The following IFT122 variants were observed in gnomAD, a reference collection of about 807,000 sequenced individuals.
IFT122 encodes the protein intraflagellar transport 122.
IFT122 carries 118 observed loss-of-function variants against 161.6 expected under a neutral mutation model. That is an observed-to-expected ratio of 0.73 (90% CI 0.63 to 0.85). The LOEUF (loss-of-function observed/expected upper bound fraction) is 0.85. IFT122 is among the 40% of genes least tolerant of loss of function. IFT122 has a pLI of 0.00. For missense variants in IFT122, 1,381 were observed against 1,579.6 expected (o/e 0.87, Z 2.13); for synonymous variants, 550 against 602.4 (o/e 0.91, Z 1.27).
chr3:129,457,204 C>T (rs937218506), intron 3 of IFT122, among the ~76,000 whole-genome samples: 3 of 152,196 alleles, frequency 2.0e-5, no homozygotes, highest in Non-Finnish European at 4.4e-5. Flanking sequence ...AAATGTGGAA[C>T]AGTGTAATTA....
chr3:129,519,094 C>T lies in IFT122; in HGVS notation c.3392-13C>T. On this transcript the variant is annotated splice_polypyrimidine_tract_variant and intron_variant, in intron 27 of 29. Transcript: ENST00000348417. ...CTCTGCTTCTGATTCCATCCTTGAC[C>T]AGATCCCTCCAGGCTCCCAGATTCT... 1 of 1,612,530 alleles carries T rather than the reference C, an allele frequency of 6.2e-7. No homozygotes were observed. The highest frequency in any genetic ancestry group is 8.5e-7 in the Non-Finnish European group (1 of 1,178,568).
At position 129,471,539 on chromosome 3, in the gene IFT122, T is replaced by C. The variant is rs144094003; in HGVS notation, c.816+2122T>C. 3.3e-4 allele frequency among the ~76,000 whole-genome samples: 51 copies of C among 152,314 alleles called. No homozygotes were observed. The East Asian group carries it at 9.2e-3, about 28-fold the overall frequency. On this transcript the variant is annotated intron_variant, in intron 9 of 29. Coordinates refer to ENST00000348417, the MANE Select transcript of IFT122 (RefSeq NM_052989.3). ...GGGAGGGAATGGGGTCTTGTTGCTATGGCCACAGAAGAAAAGAGCTCAACA... is the reference window on the plus strand; with the variant it reads ...GGGAGGGAATGGGGTCTTGTTGCTACGGCCACAGAAGAAAAGAGCTCAACA...
chr3:129,452,908 G>A (rs764986031), intron 3 of IFT122, among the ~76,000 whole-genome samples: 9 of 152,090 alleles, frequency 5.9e-5, no homozygotes, highest in African/African-American at 9.7e-5. Flanking sequence ...ATCAGACTCT[G>A]GATATAATGG....
At chr3:129,460,540 G>A (rs919598941) in intron 4 of IFT122, among the ~76,000 whole-genome samples, 2 of 151,992 alleles carry the variant, frequency 1.3e-5, no homozygotes, top group African/African-American at 4.8e-5. Flanking sequence ...GATTACAGGT[G>A]TGAGCCACTG....
intron 8 of IFT122, among the ~76,000 whole-genome samples, 191 bp from the exon 9 acceptor site, chr3:129,469,151 C>T (rs1220048054): frequency 6.6e-6 from 1 of 152,248 alleles, no homozygotes; most frequent in Non-Finnish European, 1.5e-5. Flanking sequence ...AAGGCTGAAC[C>T]TCAACTCTGC....
At chr3:129,492,020 G>C in intron 16 of IFT122, 121 bp from the exon 17 acceptor site, 1 of 798,304 alleles carries the variant, frequency 1.3e-6, no homozygotes. Context: ...ATCTGTGCTT[G>C]CTCCCTTCCT....
Position 129,452,006 on chromosome 3 carries a change from G to T in IFT122, c.193+8G>T. 1 of 1,603,394 alleles carries T rather than the reference G, an allele frequency of 6.2e-7. No homozygotes were observed. The highest frequency in any genetic ancestry group is 1.7e-5 in the Admixed American group (1 of 60,010). On this transcript the variant is annotated splice_region_variant and intron_variant, in intron 3 of 29. Coordinates refer to ENST00000348417, the MANE Select transcript of IFT122 (RefSeq NM_052989.3). Reference sequence around the variant, plus strand: ...TGGCATATGCGAAGGATGGTAAAAGGCTGCTCTGGGTTTCCATTCTCTATA... The same window carrying T: ...TGGCATATGCGAAGGATGGTAAAAGTCTGCTCTGGGTTTCCATTCTCTATA...
intron 20 of IFT122, 61 bp from the exon 21 acceptor site, chr3:129,504,258 A>G (rs1383439031): frequency 7.5e-7 from 1 of 1,336,348 alleles, no homozygotes; most frequent in African/African-American, 1.4e-5. Context: ...AGCCAAGTAC[A>G]GTGTTTTCAT....
At chr3:129,467,492 G>A (rs2108169355) in intron 8 of IFT122, among the ~76,000 whole-genome samples, 1 of 152,054 alleles carries the variant, frequency 6.6e-6, no homozygotes, top group South Asian at 2.1e-4. Flanking sequence ...TCTGAAAAGT[G>A]TGCCCTTTTG....
chr3:129,453,368 A>G (rs1399998668), intron 3 of IFT122, among the ~76,000 whole-genome samples: 1 of 152,160 alleles, frequency 6.6e-6, no homozygotes, highest in Non-Finnish European at 1.5e-5. Context: ...GTTGAAGAGA[A>G]AGGGAAAAAG....
intron 4 of IFT122, 146 bp downstream of exon 4, chr3:129,458,823 A>G: frequency 1.4e-6 from 1 of 702,102 alleles, no homozygotes; most frequent in Non-Finnish European, 2.6e-6. Flanking sequence ...TTGGTATAGG[A>G]AGGTTGAGTA....
intron 1 of IFT122, among the ~76,000 whole-genome samples, chr3:129,448,029 G>C (rs2074255014): frequency 6.6e-6 from 1 of 152,078 alleles, no homozygotes; most frequent in Non-Finnish European, 1.5e-5. Context: ...GTCTTTGCTT[G>C]TTTTATTTTC....
intron 23 of IFT122, among the ~76,000 whole-genome samples, chr3:129,511,843 C>T (rs144611209): frequency 3.9e-5 from 6 of 152,216 alleles, no homozygotes; most frequent in Non-Finnish European, 7.3e-5. Flanking sequence ...CTAAATGCCT[C>T]TGTTGAAAGA....
chr3:129,477,941 A>G lies in IFT122; in HGVS notation c.1148-75A>G. The G allele has an allele frequency of 2.4e-6, 3 of 1,268,490 alleles. No homozygotes were observed. The South Asian group carries it at 3.6e-5, about 15-fold the overall frequency. 78.6% of individuals were successfully genotyped at this position (1,268,490 alleles called of 1,614,324 possible). On this transcript the variant is annotated intron_variant, in intron 11 of 29. Coordinates refer to ENST00000348417, the MANE Select transcript of IFT122 (RefSeq NM_052989.3). ...AATTGCCAGTAGCGCTAAGTAAATG[A>G]TGGCTTTTAATTTCTCTGCCTTGCA... is the stretch of plus-strand genomic sequence containing the variant.
rs755343458 is a variant in IFT122 at position 129,495,554 on chromosome 3, G to A, written c.2155G>A (p.Glu719Lys). 33 of 1,614,062 alleles carry A rather than the reference G, an allele frequency of 2.0e-5. No homozygotes were observed. Among genetic ancestry groups the A allele is most frequent in the Non-Finnish European group, 2.5e-5 (29 of 1,180,040 alleles). ...AAKLYKRSGH[E>K]NLALEMYTDL... ...CAAACTGTACAAGAGGAGTGGGCAC[G>A]AGAACCTCGCGCTTGAAATGTACAC... Residue 719 changes from glutamate to lysine, a missense_variant, in exon 18 of 30, where the codon GAG (glutamate) becomes AAG (lysine). Glu to Lys is a moderately conservative substitution (Grantham distance 56). Around this residue, in one of 7 missense-constraint regions of IFT122, gnomAD observed 496 missense variants for 502.5 expected, o/e 0.99. Transcript: ENST00000348417.
At chr3:129,469,278 C>T (rs1224268445) in intron 8 of IFT122, 64 bp from the exon 9 acceptor site, 1 of 1,386,488 alleles carries the variant, frequency 7.2e-7, no homozygotes, top group African/African-American at 1.4e-5. Context: ...TGTTTAAGCC[C>T]TTAGAGCTAT....
intron 19 of IFT122, among the ~76,000 whole-genome samples, chr3:129,502,508 G>A (rs551678740): frequency 6.3e-4 from 96 of 152,318 alleles, no homozygotes; most frequent in Non-Finnish European, 1.1e-3. Context: ...CAAGGTGGCT[G>A]ACAGGATCCT....
intron 21 of IFT122, among the ~76,000 whole-genome samples, chr3:129,504,987 G>A (rs528211764): frequency 6.6e-5 from 10 of 152,258 alleles, no homozygotes; most frequent in African/African-American, 2.4e-4. Context: ...GAATTCTGTT[G>A]GTAAAATGGG....
chr3:129,458,723 A>G (rs1394496940), intron 4 of IFT122, 46 bp downstream of exon 4: 2 of 1,364,418 alleles, frequency 1.5e-6, no homozygotes, highest in Non-Finnish European at 2.1e-6. Flanking sequence ...TGCTTATTGA[A>G]TAATTGCAGC....
Sources: gnomAD v4.1 joint callset for allele counts (sites outside exome capture counted in the v4.1 genomes callset) on GRCh38, gnomAD v4.1.1 for gene constraint, gnomAD v4.1.1 regional missense constraint, MANE v1.5 for transcripts, NCBI Gene and HGNC (gene_info 2026-07-23, HGNC 2026-07-21) for gene names.